Variants in KCNG3 observed in about 807,000 individuals in gnomAD.
KCNG3 encodes potassium voltage-gated channel modifier subfamily G member 3, also known as voltage-gated potassium channel regulatory subunit KCNG3.
KCNG3 carries 15 observed loss-of-function variants against 29.0 expected under a neutral mutation model. The observed-to-expected ratio is 0.52, with a 90% confidence interval of 0.35 to 0.80. The LOEUF (loss-of-function observed/expected upper bound fraction) is 0.80, where lower values mean the gene tolerates loss of function less well. Among genes scored for constraint, KCNG3 ranks in the 30% least tolerant of loss-of-function variants. The pLI, the probability that KCNG3 is intolerant of heterozygous loss-of-function variation, is 0.01. For synonymous variants in KCNG3, 322 were observed against 248.9 expected, an observed-to-expected ratio of 1.29 and a Z score of -2.76; for missense variants, 512 against 605.7, an observed-to-expected ratio of 0.85 and a Z score of 1.62.
At chr2:42,413,644 G>C in the KCNG3 span, 1 of 152,190 alleles carries the variant, frequency 6.6e-6, no homozygotes, top group Non-Finnish European at 1.5e-5. Flanking sequence ...ATTTATAAAG[G>C]AAAGAGGCTT....
the KCNG3 span, among the ~76,000 whole-genome samples, chr2:42,390,184 C>T: frequency 2.0e-5 from 3 of 152,102 alleles, no homozygotes; most frequent in African/African-American, 7.2e-5. Flanking sequence ...AAAATTTGGC[C>T]CTTCATTACA....
At chr2:42,402,533 T>A in the KCNG3 span, among the ~76,000 whole-genome samples, 1 of 152,272 alleles carries the variant, frequency 6.6e-6, no homozygotes. Context: ...AAATAAAAGT[T>A]TTAAAGTTTT....
chr2:42,476,581 G>C (rs1673431862), intron 1 of KCNG3, among the ~76,000 whole-genome samples: 1 of 151,942 alleles, frequency 6.6e-6, no homozygotes, highest in African/African-American at 2.4e-5. Flanking sequence ...CTACCTCCCG[G>C]GTTCAAGAGA....
chr2:42,423,788 G>A, the KCNG3 span, among the ~76,000 whole-genome samples: 3 of 146,944 alleles, frequency 2.0e-5, 1 homozygote, highest in South Asian at 4.3e-4. Flanking sequence ...TCGCACAGTC[G>A]GAAATGAGGT....
the KCNG3 span, among the ~76,000 whole-genome samples, chr2:42,401,215 TAATA>T: frequency 6.7e-6 from 1 of 149,790 alleles, no homozygotes; most frequent in Admixed American, 6.7e-5. Flanking sequence ...TATGTATATA[TAATA>T]TATACACATA....
At chr2:42,433,768 T>A in the KCNG3 span, among the ~76,000 whole-genome samples, 1 of 151,802 alleles carries the variant, frequency 6.6e-6, no homozygotes. Flanking sequence ...AAAAAAACAA[T>A]TGGCTGAAGG....
intron 1 of KCNG3, among the ~76,000 whole-genome samples, chr2:42,452,785 G>GTC (rs1057273894): frequency 2.0e-5 from 3 of 151,542 alleles, no homozygotes; most frequent in African/African-American, 7.3e-5. Context: ...GTGTGTGTGT[G>GTC]TGTGTGTGTG....
chr2:42,486,063 C>T (rs1366197185), intron 1 of KCNG3, among the ~76,000 whole-genome samples: 3 of 152,218 alleles, frequency 2.0e-5, no homozygotes, highest in Non-Finnish European at 4.4e-5. Context: ...CTCCCACCAA[C>T]ATGCTGGAGA....
chr2:42,437,073 A>C (rs1672389818), downstream of KCNG3, among the ~76,000 whole-genome samples: 4 of 152,204 alleles, frequency 2.6e-5, 1 homozygote, highest in South Asian at 8.3e-4. Context: ...TCCCATACGA[A>C]TGTCTGGAAA....
At chr2:42,485,475 C>G (rs967018459) in intron 1 of KCNG3, among the ~76,000 whole-genome samples, 1 of 151,212 alleles carries the variant, frequency 6.6e-6, no homozygotes, top group African/African-American at 2.4e-5. Context: ...GACGGAGTCT[C>G]ACTCTGTCAC....
At chr2:42,414,898 C>T in the KCNG3 span, among the ~76,000 whole-genome samples, 2 of 152,172 alleles carry the variant, frequency 1.3e-5, no homozygotes, top group African/African-American at 4.8e-5. Context: ...TCACTGCCTC[C>T]TGATCTTACT....
At chr2:42,407,552 G>A in the KCNG3 span, among the ~76,000 whole-genome samples, 4 of 152,288 alleles carry the variant, frequency 2.6e-5, no homozygotes, top group Non-Finnish European at 5.9e-5. Context: ...AATTGGTGGG[G>A]TGGGAGCTCC....
At chr2:42,415,907 A>AG in the KCNG3 span, among the ~76,000 whole-genome samples, 1 of 152,196 alleles carries the variant, frequency 6.6e-6, no homozygotes, top group Admixed American at 6.5e-5. Context: ...AGAAGTAGAG[A>AG]GTAGAGGCCG....
chr2:42,415,465 C>A, the KCNG3 span: 1 of 152,182 alleles, frequency 6.6e-6, no homozygotes, highest in South Asian at 2.1e-4. Context: ...TTTCCTCTGA[C>A]CCAGAATGGC....
intron 1 of KCNG3, among the ~76,000 whole-genome samples, chr2:42,475,277 T>A (rs1040344609): frequency 6.6e-6 from 1 of 150,936 alleles, no homozygotes; most frequent in Non-Finnish European, 1.5e-5. Context: ...TGAGTTATGA[T>A]CACACCACTG....
At chr2:42,428,457 G>C in the KCNG3 span, among the ~76,000 whole-genome samples, 1 of 61,354 alleles carries the variant, frequency 1.6e-5, no homozygotes, top group African/African-American at 6.9e-5. Flanking sequence ...ACCCGGTCTC[G>C]GGAAAAAAAA....
At chr2:42,478,811 A>C (rs1673506637) in intron 1 of KCNG3, among the ~76,000 whole-genome samples, 1 of 152,166 alleles carries the variant, frequency 6.6e-6, no homozygotes, top group Non-Finnish European at 1.5e-5. Flanking sequence ...CATATAACTC[A>C]CTTCCTTTCT....
At chr2:42,392,411 G>C in the KCNG3 span, among the ~76,000 whole-genome samples, 1 of 152,120 alleles carries the variant, frequency 6.6e-6, no homozygotes. Flanking sequence ...GGTAATGCCA[G>C]GGGAGGATGG....
chr2:42,482,538 C>T (rs1436175267), intron 1 of KCNG3, among the ~76,000 whole-genome samples: 2 of 152,146 alleles, frequency 1.3e-5, no homozygotes, highest in African/African-American at 2.4e-5. Flanking sequence ...GCCTAGCCAA[C>T]ACGGTGAAAC....
Sources: gnomAD v4.1 joint callset for allele counts (sites outside exome capture counted in the v4.1 genomes callset) on GRCh38, gnomAD v4.1.1 for gene constraint, MANE v1.5 for transcripts, NCBI Gene and HGNC (gene_info 2026-07-23, HGNC 2026-07-21) for gene names.